NTM: variants seen among roughly 807,000 people sequenced by gnomAD.
NTM encodes the protein neurotrimin.
NTM carries 13 observed loss-of-function variants against 42.1 expected under a neutral mutation model. That is an observed-to-expected ratio of 0.31 (90% CI 0.20 to 0.49). The LOEUF (loss-of-function observed/expected upper bound fraction) is 0.49. Ranked by LOEUF, NTM falls within the 20% of genes least tolerant of loss-of-function variation. The pLI, the probability that NTM is intolerant of heterozygous loss-of-function variation, is 0.99. For missense variants in NTM, 373 were observed against 452.8 expected (o/e 0.82, Z 1.60); for synonymous variants, 187 against 179.2 (o/e 1.04, Z -0.35).
At chr11:132,093,052 T>G (rs756026138) in intron 2 of NTM, among the ~76,000 whole-genome samples, 5 of 152,180 alleles carry the variant, frequency 3.3e-5, no homozygotes, top group Non-Finnish European at 7.3e-5. Context: ...CCTTACACTT[T>G]TTAGAAGTTT....
intron 3 of NTM, among the ~76,000 whole-genome samples, chr11:132,210,708 G>A (rs1248496024): frequency 2.0e-5 from 3 of 152,148 alleles, no homozygotes; most frequent in Non-Finnish European, 4.4e-5. Context: ...GCAACAATGA[G>A]GTTCTACGAC....
At chr11:132,009,143 G>A (rs769793278) in intron 2 of NTM, among the ~76,000 whole-genome samples, 7 of 152,120 alleles carry the variant, frequency 4.6e-5, no homozygotes, top group Non-Finnish European at 1.0e-4. Context: ...CCTGTCTTTT[G>A]TTAGGAAAAG....
chr11:132,048,818 CTTTTTTTTT>C (rs10563617), intron 2 of NTM, among the ~76,000 whole-genome samples: 13,082 of 133,030 alleles, frequency 0.098, 770 homozygotes, highest in Non-Finnish European at 0.14. Context: ...TTTCTTTTTT[CTTTTTTTTT>C]TTTTTTTTTT....
chr11:131,378,586 A>T (rs1038311451), intron 1 of NTM, among the ~76,000 whole-genome samples: 1 of 152,158 alleles, frequency 6.6e-6, no homozygotes, highest in Non-Finnish European at 1.5e-5. Flanking sequence ...CTTAGAATGG[A>T]AGGAAAGGAT....
chr11:132,204,316 C>A (rs1228816484), intron 3 of NTM, among the ~76,000 whole-genome samples: 1 of 152,204 alleles, frequency 6.6e-6, no homozygotes, highest in Non-Finnish European at 1.5e-5. Context: ...AATTTGTTTG[C>A]ATTTGCATAC....
intron 2 of NTM, among the ~76,000 whole-genome samples, chr11:131,948,446 C>T (rs1238185499): frequency 6.6e-6 from 1 of 152,098 alleles, no homozygotes; most frequent in African/African-American, 2.4e-5. Flanking sequence ...TTTGGGGGAA[C>T]TGCCAACACT....
intron 2 of NTM, among the ~76,000 whole-genome samples, chr11:131,973,990 A>G (rs1234240220): frequency 6.6e-6 from 1 of 152,194 alleles, no homozygotes; most frequent in Non-Finnish European, 1.5e-5. Context: ...GGTGAGGACG[A>G]AGACCTTTCA....
chr11:131,650,781 C>T (rs2066386475), intron 1 of NTM, among the ~76,000 whole-genome samples: 1 of 152,166 alleles, frequency 6.6e-6, no homozygotes, highest in Non-Finnish European at 1.5e-5. Context: ...AAAAAAATTA[C>T]TGGGAAATTC....
At chr11:131,924,205 G>T (rs1013072645) in intron 2 of NTM, among the ~76,000 whole-genome samples, 2 of 152,170 alleles carry the variant, frequency 1.3e-5, no homozygotes, top group African/African-American at 4.8e-5. Context: ...TGGTGGTGGG[G>T]TGGTTTTTGA....
chr11:131,973,953 A>C lies in NTM; in HGVS notation c.167+62305A>C, dbSNP rs141101350. Among the ~76,000 whole-genome samples, 646 of 151,962 alleles carry C rather than the reference A, an allele frequency of 4.3e-3. 8 individuals carry two copies. Among genetic ancestry groups the C allele is most frequent in the African/African-American group, 0.015 (607 of 41,458 alleles). ...TGCCACCCCTGAGGCTGGAAGACCAACTCCTCAGCCTACTCCAGCTGGAGA... is the reference window on the plus strand; with the variant it reads ...TGCCACCCCTGAGGCTGGAAGACCACCTCCTCAGCCTACTCCAGCTGGAGA... On this transcript the variant is annotated intron_variant, in intron 2 of 8. Transcript: ENST00000683400.
intron 1 of NTM, among the ~76,000 whole-genome samples, chr11:131,514,822 G>C (rs955221944): frequency 6.6e-6 from 1 of 152,010 alleles, no homozygotes; most frequent in Non-Finnish European, 1.5e-5. Flanking sequence ...AACTCCTAAG[G>C]CTCAAACGAT....
chr11:132,138,156 A>G (rs1034375061), intron 2 of NTM, among the ~76,000 whole-genome samples: 6 of 152,180 alleles, frequency 3.9e-5, no homozygotes, highest in Non-Finnish European at 8.8e-5. Context: ...GAAAGCAAGC[A>G]CGAGTCATGT....
chr11:132,315,466 G>A (rs367948725), intron 7 of NTM, among the ~76,000 whole-genome samples: 225 of 152,208 alleles, frequency 1.5e-3, no homozygotes, highest in African/African-American at 5.3e-3. Flanking sequence ...ATTAAATTCC[G>A]GTTGTGTTTT....
chr11:132,322,957 A>C (rs2095603148), intron 7 of NTM, among the ~76,000 whole-genome samples: 1 of 141,744 alleles, frequency 7.1e-6, no homozygotes, highest in Non-Finnish European at 1.6e-5. Context: ...TGAAGGCAGA[A>C]ATAAAGATGT....
chr11:131,898,331 T>A (rs73027564), intron 1 of NTM, among the ~76,000 whole-genome samples: 10 of 152,224 alleles, frequency 6.6e-5, no homozygotes, highest in African/African-American at 2.2e-4. Flanking sequence ...TGGAAAAACA[T>A]TGAGACGCAC....
intron 4 of NTM, among the ~76,000 whole-genome samples, chr11:132,300,937 A>G (rs552441655): frequency 1.3e-5 from 2 of 152,192 alleles, no homozygotes; most frequent in African/African-American, 4.8e-5. Context: ...AGCTCCCAGG[A>G]CTGCACTGAT....
intron 1 of NTM, among the ~76,000 whole-genome samples, chr11:131,432,839 C>CTTTTTTTTTTGTTT (rs1948771492): frequency 1.5e-5 from 1 of 68,694 alleles, no homozygotes; most frequent in African/African-American, 6.2e-5. Flanking sequence ...ATTTAGCATT[C>CTTTTTTTTTTGTTT]TTTTTTTTTT....
At chr11:131,858,725 C>G (rs542643342) in intron 1 of NTM, among the ~76,000 whole-genome samples, 3 of 152,192 alleles carry the variant, frequency 2.0e-5, no homozygotes, top group Non-Finnish European at 2.9e-5. Context: ...GAATTGCTCT[C>G]GTCTGAATCC....
At chr11:131,578,385 G>A (rs1375842450) in intron 1 of NTM, among the ~76,000 whole-genome samples, 1 of 152,158 alleles carries the variant, frequency 6.6e-6, no homozygotes, top group African/African-American at 2.4e-5. Flanking sequence ...AGTCTTTCAG[G>A]TAGATTTGAG....
Sources: gnomAD v4.1 joint callset for allele counts (sites outside exome capture counted in the v4.1 genomes callset) on GRCh38, gnomAD v4.1.1 for gene constraint, MANE v1.5 for transcripts, NCBI Gene and HGNC (gene_info 2026-07-23, HGNC 2026-07-21) for gene names.